The following SLCO5A1 variants were observed in gnomAD, a reference collection of about 807,000 sequenced individuals.
SLCO5A1 encodes the protein organic anion transporter polypeptide-related protein 4.
In SLCO5A1, 39 loss-of-function variants were observed where a neutral mutation model predicts 65.1. The observed-to-expected ratio is 0.60, with a 90% CI of 0.46 to 0.78. The LOEUF is 0.78. Ranked by LOEUF, SLCO5A1 falls within the 30% of genes least tolerant of loss-of-function variation. The pLI, the probability that SLCO5A1 is intolerant of heterozygous loss-of-function variation, is 0.00. For missense variants in SLCO5A1, 1,029 were observed against 1,069.4 expected (o/e 0.96, Z 0.53); for synonymous variants, 438 against 415.7 (o/e 1.05, Z -0.65).
intron 5 of SLCO5A1, among the ~76,000 whole-genome samples, chr8:69,710,949 G>C (rs994717785): frequency 2.6e-5 from 4 of 152,120 alleles, no homozygotes; most frequent in African/African-American, 9.7e-5. Context: ...TTGCTTTGGG[G>C]AATTATACGC....
At chr8:69,740,178 C>G (rs754497184) in intron 4 of SLCO5A1, among the ~76,000 whole-genome samples, 18 of 152,348 alleles carry the variant, frequency 1.2e-4, no homozygotes, top group Non-Finnish European at 2.5e-4. Context: ...TTCAACGACT[C>G]TAAGTTCCTT....
At chr8:69,727,297 C>G (rs529236850) in intron 5 of SLCO5A1, among the ~76,000 whole-genome samples, 1 of 152,182 alleles carries the variant, frequency 6.6e-6, no homozygotes, top group Non-Finnish European at 1.5e-5. Flanking sequence ...AGAATTTCAA[C>G]AAGATCTGTC....
At chr8:69,747,267 G>T (rs1009873261) in intron 4 of SLCO5A1, among the ~76,000 whole-genome samples, 1 of 152,122 alleles carries the variant, frequency 6.6e-6, no homozygotes, top group Non-Finnish European at 1.5e-5. Flanking sequence ...AATCCCATGG[G>T]TGCAAATTAT....
At chr8:69,784,973 G>GAGAA (rs755021874) in intron 2 of SLCO5A1, among the ~76,000 whole-genome samples, 5 of 128,448 alleles carry the variant, frequency 3.9e-5, no homozygotes, top group Non-Finnish European at 6.7e-5. Flanking sequence ...AAGAAAGAAA[G>GAGAA]AGAAAGAAAG....
At chr8:69,727,054 T>C (rs181822716) in intron 5 of SLCO5A1, among the ~76,000 whole-genome samples, 208 of 152,232 alleles carry the variant, frequency 1.4e-3, no homozygotes, top group Non-Finnish European at 2.5e-3. Context: ...TTGCTACCCA[T>C]AGAGGTTAAT....
At chr8:69,701,427 A>G (rs1814730746) in intron 6 of SLCO5A1, among the ~76,000 whole-genome samples, 1 of 152,206 alleles carries the variant, frequency 6.6e-6, no homozygotes, top group Non-Finnish European at 1.5e-5. Flanking sequence ...ATACCTCTCC[A>G]ACATTAACAT....
intron 4 of SLCO5A1, among the ~76,000 whole-genome samples, chr8:69,747,156 C>T (rs1304262309): frequency 6.6e-6 from 1 of 152,212 alleles, no homozygotes; most frequent in Non-Finnish European, 1.5e-5. Flanking sequence ...TGTGGCCCTG[C>T]ATGGCAAGGC....
At chr8:69,732,975 C>A (rs13267749) in intron 5 of SLCO5A1, among the ~76,000 whole-genome samples, 62,215 of 151,948 alleles carry the variant, frequency 0.41, 13,054 homozygotes, top group South Asian at 0.51. Context: ...ATTTGCCTTT[C>A]AGCAAGTTAC....
At chr8:69,707,107 G>A (rs898115045) in intron 5 of SLCO5A1, among the ~76,000 whole-genome samples, 5 of 152,092 alleles carry the variant, frequency 3.3e-5, no homozygotes, top group East Asian at 1.9e-4. Flanking sequence ...AGCCAAGATC[G>A]TGCCGCTGCA....
At chr8:69,821,899 G>T (rs766440255) in intron 2 of SLCO5A1, among the ~76,000 whole-genome samples, 1 of 152,100 alleles carries the variant, frequency 6.6e-6, no homozygotes, top group Admixed American at 6.5e-5. Flanking sequence ...GGCCAAGGTG[G>T]GTGGGTCAAC....
At chr8:69,781,408 T>A (rs1316549252) in intron 2 of SLCO5A1, among the ~76,000 whole-genome samples, 1 of 152,236 alleles carries the variant, frequency 6.6e-6, no homozygotes, top group Non-Finnish European at 1.5e-5. Context: ...GAGTTAGTCT[T>A]GGTACACTTT....
intron 2 of SLCO5A1, among the ~76,000 whole-genome samples, chr8:69,828,275 TTA>T (rs1491564795): frequency 0.023 from 2,147 of 92,836 alleles, 39 homozygotes; most frequent in African/African-American, 0.093. Flanking sequence ...TTTTTTTTTT[TTA>T]AAAAAAAAGC....
intron 2 of SLCO5A1, among the ~76,000 whole-genome samples, chr8:69,762,116 TG>T (rs1311124949): frequency 6.6e-6 from 1 of 151,394 alleles, no homozygotes; most frequent in African/African-American, 2.4e-5. Context: ...GCTTTTGTTT[TG>T]TTTTCTTTCT....
intron 2 of SLCO5A1, among the ~76,000 whole-genome samples, chr8:69,799,884 G>A (rs1018344489): frequency 2.0e-5 from 3 of 151,912 alleles, no homozygotes; most frequent in African/African-American, 7.3e-5. Context: ...ATTTGGGTGG[G>A]GACACAGCCA....
intron 4 of SLCO5A1, among the ~76,000 whole-genome samples, chr8:69,738,528 A>G (rs1245948452): frequency 6.6e-6 from 1 of 152,182 alleles, no homozygotes; most frequent in Non-Finnish European, 1.5e-5. Context: ...TTTCTTCAGT[A>G]ATTAAGGCAA....
At chr8:69,777,151 A>T (rs2130879141) in intron 2 of SLCO5A1, among the ~76,000 whole-genome samples, 1 of 152,362 alleles carries the variant, frequency 6.6e-6, no homozygotes, top group Non-Finnish European at 1.5e-5. Context: ...CATCCAAAAC[A>T]TCTATCTAGA....
chr8:69,780,288 A>C (rs1020021426), intron 2 of SLCO5A1, among the ~76,000 whole-genome samples: 2 of 152,192 alleles, frequency 1.3e-5, no homozygotes, highest in Non-Finnish European at 2.9e-5. Flanking sequence ...TGACCTAGCA[A>C]TCCCACTACT....
intron 3 of SLCO5A1, among the ~76,000 whole-genome samples, chr8:69,759,034 G>C (rs1817645577): frequency 6.6e-6 from 1 of 152,156 alleles, no homozygotes; most frequent in Admixed American, 6.5e-5. Context: ...ACTACCTATG[G>C]TTGTTCCAAG....
chr8:69,749,755 T>A lies in SLCO5A1; in HGVS notation c.1258+5669A>T, dbSNP rs887185551. ...TGTAATGGACAAAAAAAAAAAAACA[T>A]TCCTGTCTTCATGGAGCTTACTTTC... is the stretch of plus-strand genomic sequence containing the variant. On this transcript the variant is annotated intron_variant, in intron 4 of 9. Transcript: ENST00000260126. Among the ~76,000 whole-genome samples the A allele has an allele frequency of 9.2e-4, 136 of 147,958 alleles. 2 individuals are homozygous for A. The highest frequency in any genetic ancestry group is 1.5e-3 in the Non-Finnish European group (101 of 67,784).
Sources: gnomAD v4.1 joint callset for allele counts (sites outside exome capture counted in the v4.1 genomes callset) on GRCh38, gnomAD v4.1.1 for gene constraint, MANE v1.5 for transcripts, NCBI Gene and HGNC (gene_info 2026-07-23, HGNC 2026-07-21) for gene names.